The following CNTNAP5 variants were observed in gnomAD, a reference collection of about 807,000 sequenced individuals.
The protein encoded by CNTNAP5 is contactin associated protein family member 5.
A neutral mutation model predicts 150.2 loss-of-function variants in CNTNAP5; 72 were observed. The observed-to-expected ratio is 0.48, with a 90% confidence interval of 0.40 to 0.58. The LOEUF (loss-of-function observed/expected upper bound fraction) is 0.58. Ranked by LOEUF, CNTNAP5 falls within the 20% of genes least tolerant of loss-of-function variation. CNTNAP5 has a pLI of 0.00. For synonymous variants in CNTNAP5, 672 were observed against 619.8 expected, an observed-to-expected ratio of 1.08 and a Z score of -1.25; for missense variants, 1,636 against 1,626.2, an observed-to-expected ratio of 1.01 and a Z score of -0.10.
chr2:124,767,899 A>G (rs544650379), intron 16 of CNTNAP5, among the ~76,000 whole-genome samples: 1 of 152,196 alleles, frequency 6.6e-6, no homozygotes, highest in Non-Finnish European at 1.5e-5. Context: ...GTGGAGCTGC[A>G]TCCCAGCTGG....
At position 124,446,983 on chromosome 2, in the gene CNTNAP5, T is replaced by C. The variant is rs972866487; in HGVS notation, c.918+46T>C. The C allele has an allele frequency of 1.9e-6, 3 of 1,569,940 alleles. No homozygotes were observed. In the South Asian group the frequency reaches 3.5e-5, roughly 18 times the overall value. On this transcript the variant is annotated intron_variant, in intron 6 of 23. Transcript: ENST00000682447. ...GCACCTCCTCGGCCCCTTGCTTCAATGAACGCAGCAAGAAAATCAGTGAGC... is the reference window on the plus strand; with the variant it reads ...GCACCTCCTCGGCCCCTTGCTTCAACGAACGCAGCAAGAAAATCAGTGAGC...
intron 13 of CNTNAP5, among the ~76,000 whole-genome samples, chr2:124,699,736 C>A (rs957848109): frequency 6.6e-6 from 1 of 152,148 alleles, no homozygotes; most frequent in Non-Finnish European, 1.5e-5. Flanking sequence ...CACTGCCAGG[C>A]TCTCCCACAA....
intron 4 of CNTNAP5, among the ~76,000 whole-genome samples, chr2:124,418,388 A>C (rs1352362628): frequency 6.6e-6 from 1 of 152,188 alleles, no homozygotes; most frequent in East Asian, 1.9e-4. Flanking sequence ...TAATGAGTAC[A>C]TGTCTGTACT....
intron 1 of CNTNAP5, among the ~76,000 whole-genome samples, chr2:124,109,652 G>T (rs1161079599): frequency 6.6e-6 from 1 of 152,166 alleles, no homozygotes; most frequent in African/African-American, 2.4e-5. Flanking sequence ...TCACAGAAGG[G>T]ATAAACAGAC....
At chr2:124,817,155 AC>A (rs1163656751) in intron 19 of CNTNAP5, among the ~76,000 whole-genome samples, 5 of 152,228 alleles carry the variant, frequency 3.3e-5, no homozygotes, top group Non-Finnish European at 7.3e-5. Context: ...AAAAAAACAG[AC>A]TTAAGAAAGG....
chr2:124,619,605 A>C (rs1221503406), intron 12 of CNTNAP5, among the ~76,000 whole-genome samples: 1 of 151,898 alleles, frequency 6.6e-6, no homozygotes, highest in Non-Finnish European at 1.5e-5. Context: ...GACTTTGAGC[A>C]AAGCAGATTG....
intron 3 of CNTNAP5, among the ~76,000 whole-genome samples, chr2:124,250,376 T>C (rs1375622178): frequency 6.6e-6 from 1 of 152,122 alleles, no homozygotes; most frequent in African/African-American, 2.4e-5. Context: ...GATCTTTACA[T>C]AGCATTATCA....
chr2:124,678,586 A>G (rs1278854053), intron 13 of CNTNAP5, among the ~76,000 whole-genome samples: 1 of 151,702 alleles, frequency 6.6e-6, no homozygotes, highest in Non-Finnish European at 1.5e-5. Flanking sequence ...GTTATGTCCT[A>G]TGATGGGAGC....
intron 11 of CNTNAP5, among the ~76,000 whole-genome samples, chr2:124,567,847 A>T (rs972363197): frequency 3.5e-5 from 4 of 115,712 alleles, no homozygotes; most frequent in African/African-American, 1.2e-4. Flanking sequence ...ATAGATAGAT[A>T]GATAGATAGA....
rs945171882 is a variant in CNTNAP5 at position 124,685,885 on chromosome 2, AT to A, written c.2077+37935del. Among the ~76,000 whole-genome samples, 6 of 151,658 alleles carry A rather than the reference AT, an allele frequency of 4.0e-5. No individual in the cohort carries two copies. In the East Asian group the frequency reaches 7.8e-4, roughly 20 times the overall value. On this transcript the variant is annotated intron_variant, in intron 13 of 23. Coordinates refer to ENST00000682447, the MANE Select transcript of CNTNAP5 (RefSeq NM_001367498.1). ...CATGTTATAATTCTCTTGAGTCCTC[AT>A]TTTTTTTGCTGTTTTTTCCCTCCGC...
chr2:124,220,951 A>G (rs867934593), intron 1 of CNTNAP5, among the ~76,000 whole-genome samples: 5 of 152,144 alleles, frequency 3.3e-5, no homozygotes, highest in African/African-American at 1.2e-4. Flanking sequence ...TCAGGATATC[A>G]GTGTCAACCC....
chr2:124,784,985 T>C (rs758160665), intron 17 of CNTNAP5, among the ~76,000 whole-genome samples: 1 of 151,270 alleles, frequency 6.6e-6, no homozygotes, highest in Non-Finnish European at 1.5e-5. Context: ...TTAAATATTG[T>C]TTTTAGAACC....
chr2:124,826,094 G>T, intron 19 of CNTNAP5, among the ~76,000 whole-genome samples: 1 of 151,346 alleles, frequency 6.6e-6, no homozygotes, highest in East Asian at 1.9e-4. Flanking sequence ...GCCTCAAGTA[G>T]TTTTTAAAAA....
At chr2:124,532,028 T>C (rs1245403558) in intron 10 of CNTNAP5, among the ~76,000 whole-genome samples, 2 of 152,068 alleles carry the variant, frequency 1.3e-5, no homozygotes, top group Non-Finnish European at 2.9e-5. Flanking sequence ...GTTTACAGAT[T>C]TGATTAGTGA....
intron 17 of CNTNAP5, 139 bp from the exon 18 acceptor site, chr2:124,789,763 C>G (rs1681682169): frequency 1.3e-6 from 1 of 752,024 alleles, no homozygotes; most frequent in South Asian, 2.1e-5. Flanking sequence ...CCAACTCTCA[C>G]TGAAACTTTA....
At chr2:124,244,865 C>T (rs1360020587) in intron 3 of CNTNAP5, among the ~76,000 whole-genome samples, 1 of 152,080 alleles carries the variant, frequency 6.6e-6, no homozygotes, top group African/African-American at 2.4e-5. Flanking sequence ...ACTGGTGATT[C>T]AATGTTAACA....
chr2:124,451,045 AAAAAAAATATATATAT>A (rs1692959104), intron 6 of CNTNAP5, among the ~76,000 whole-genome samples: 1 of 75,316 alleles, frequency 1.3e-5, no homozygotes, highest in African/African-American at 5.3e-5. Context: ...AAAAAAAAAA[AAAAAAAATATATATAT>A]ATATATATAT....
chr2:124,918,193 C>A lies in CNTNAP5; in HGVS notation c.*3905C>A, dbSNP rs1678806713. On this transcript the variant is annotated 3_prime_UTR_variant, in exon 24 of 24. Coordinates refer to ENST00000682447, the MANE Select transcript of CNTNAP5 (RefSeq NM_001367498.1). ...GTGTCCACTTTGGCCCCTCTCCTTCCCTTTTCTCAGTTCTTCCACAGCCAT... is the reference window on the plus strand; with the variant it reads ...GTGTCCACTTTGGCCCCTCTCCTTCACTTTTCTCAGTTCTTCCACAGCCAT... Among the ~76,000 whole-genome samples, 1 of 151,966 alleles carries A rather than the reference C, an allele frequency of 6.6e-6. No individual in the cohort carries two copies. Among genetic ancestry groups the A allele is most frequent in the Non-Finnish European group, 1.5e-5 (1 of 67,970 alleles).
At chr2:124,150,365 G>A (rs1038065922) in intron 1 of CNTNAP5, among the ~76,000 whole-genome samples, 1 of 152,164 alleles carries the variant, frequency 6.6e-6, no homozygotes, top group Non-Finnish European at 1.5e-5. Context: ...GGAGGTTGTA[G>A]TTACAACCCC....
Sources: gnomAD v4.1 joint callset for allele counts (sites outside exome capture counted in the v4.1 genomes callset) on GRCh38, gnomAD v4.1.1 for gene constraint, MANE v1.5 for transcripts, NCBI Gene and HGNC (gene_info 2026-07-23, HGNC 2026-07-21) for gene names.